The following RANGAP1 variants were observed in gnomAD, a reference collection of about 807,000 sequenced individuals.
The protein encoded by RANGAP1 is Ran GTPase activating protein 1.
RANGAP1 carries 38 observed loss-of-function variants against 63.5 expected under a neutral mutation model. The ratio of observed to expected loss-of-function variants is 0.60; its 90% CI spans 0.46 to 0.78. The LOEUF is 0.78. Among genes scored for constraint, RANGAP1 ranks in the 30% least tolerant of loss-of-function variants. The probability of loss-of-function intolerance (pLI) is 0.00; values close to 1 mark genes in which losing one functional copy is unlikely to be tolerated. For missense variants in RANGAP1, 630 were observed against 740.3 expected, an observed-to-expected ratio of 0.85 and a Z score of 1.73; for synonymous variants, 329 against 310.5, an observed-to-expected ratio of 1.06 and a Z score of -0.63.
At chr22:41,251,868 C>T (rs551338939) in intron 12 of RANGAP1, among the ~76,000 whole-genome samples, 1 of 152,260 alleles carries the variant, frequency 6.6e-6, no homozygotes, top group Non-Finnish European at 1.5e-5. Context: ...AATGGTGCTA[C>T]ACCAAAGTGA....
At position 41,256,185 on chromosome 22, in the gene RANGAP1, G is replaced by A. The variant is rs369071039; in HGVS notation, c.988+6C>T. On this transcript the variant is annotated splice_donor_region_variant and intron_variant, in intron 9 of 15. Coordinates refer to ENST00000356244, the MANE Select transcript of RANGAP1 (RefSeq NM_002883.4). ...ACCTGTGCAGAGGCCTCCCCCATCC[G>A]ACTACCATTCAGGTCCAGCTTCTCC... is the stretch of plus-strand genomic sequence containing the variant. The A allele has an allele frequency of 2.7e-5, 44 of 1,613,874 alleles. No homozygotes were observed. In the African/African-American group the frequency reaches 2.9e-4, roughly 11 times the overall value.
At chr22:41,252,336 A>G (rs2033514350) in intron 12 of RANGAP1, among the ~76,000 whole-genome samples, 2 of 152,256 alleles carry the variant, frequency 1.3e-5, no homozygotes, top group South Asian at 4.2e-4. Context: ...AATAAAATAA[A>G]GTAAGGGCAG....
chr22:41,264,602 C>T, intron 5 of RANGAP1, 62 bp downstream of exon 5: 3 of 1,542,300 alleles, frequency 1.9e-6, no homozygotes, highest in Non-Finnish European at 2.6e-6. Context: ...GGCCAGGGCA[C>T]ATATGTCAGA....
chr22:41,285,003 TTTAAAAA>T (rs1435615443), intron 1 of RANGAP1: 1 of 151,348 alleles, frequency 6.6e-6, no homozygotes, highest in Non-Finnish European at 1.5e-5. Context: ...CACAGAAAAA[TTTAAAAA>T]TTAGCCAGGT....
At chr22:41,255,605 C>T (rs992652746) in intron 10 of RANGAP1, among the ~76,000 whole-genome samples, 1 of 150,838 alleles carries the variant, frequency 6.6e-6, no homozygotes, top group African/African-American at 2.4e-5. Context: ...AGAGGCCTCC[C>T]CAACTCCACC....
chr22:41,296,647 CAA>C, the RANGAP1 span, among the ~76,000 whole-genome samples: 9 of 76,814 alleles, frequency 1.2e-4, no homozygotes, highest in Non-Finnish European at 1.1e-4. Flanking sequence ...ACTCCATCTC[CAA>C]AAAAAAAAAA....
rs1451932786 is a variant in RANGAP1 at position 41,256,207 on chromosome 22, C to T, written c.972G>A (p.Glu324=). The T allele has an allele frequency of 9.9e-6, 16 of 1,614,060 alleles. No homozygotes were observed. The highest frequency in any genetic ancestry group is 1.6e-4 in the Middle Eastern group (1 of 6,084). The change falls in exon 9 of 16, where the codon GAG becomes GAA. Residue 324 remains glutamate (E), a synonymous_variant. Coordinates refer to ENST00000356244, the MANE Select transcript of RANGAP1 (RefSeq NM_002883.4). ...TCCGACTACCATTCAGGTCCAGCTTCTCCAGCTCAGCTTTGTCTGCCATGG... is the reference window on the plus strand; with the variant it reads ...TCCGACTACCATTCAGGTCCAGCTTTTCCAGCTCAGCTTTGTCTGCCATGG... ...AEAMADKAEL[E]KLDLNGNTLG... is the part of the protein sequence containing the mutation.
Position 41,264,772 on chromosome 22 carries a change from G to T in RANGAP1, c.372C>A (p.Phe124Leu), listed in dbSNP as rs147006137. The change falls in exon 5 of 16, where the codon TTC becomes TTA. Residue 124 changes from phenylalanine (F) to leucine (L), a missense_variant. Around this residue, in one of 3 missense-constraint regions of RANGAP1, gnomAD observed 137 missense variants for 214.3 expected, o/e 0.64. Coordinates refer to ENST00000356244, the MANE Select transcript of RANGAP1 (RefSeq NM_002883.4). ...CGAAGCCTTGCACACCGTCGGGCCCGAATGCGTTGTCGCTTAAGTCCAGCT... is the reference window on the plus strand; with the variant it reads ...CGAAGCCTTGCACACCGTCGGGCCCTAATGCGTTGTCGCTTAAGTCCAGCT... The part of the protein sequence containing the change: ...LVELDLSDNA[F>L]GPDGVQGFEA... The T allele has an allele frequency of 6.2e-7, 1 of 1,613,974 alleles. No homozygotes were observed. Among genetic ancestry groups the T allele is most frequent in the Non-Finnish European group, 8.5e-7 (1 of 1,179,928 alleles).
At chr22:41,301,136 A>G in the RANGAP1 span, among the ~76,000 whole-genome samples, 1 of 152,006 alleles carries the variant, frequency 6.6e-6, no homozygotes, top group Non-Finnish European at 1.5e-5. Context: ...TGAGGTCCTG[A>G]TTCTTCTATG....
chr22:41,271,703 A>G (rs1481784953), intron 3 of RANGAP1, among the ~76,000 whole-genome samples: 2 of 151,986 alleles, frequency 1.3e-5, no homozygotes, highest in Admixed American at 6.5e-5. Flanking sequence ...AAAAAAAAAA[A>G]AAAAAGAGCT....
chr22:41,253,806 T>G (rs575842759), intron 11 of RANGAP1, among the ~76,000 whole-genome samples: 2 of 152,114 alleles, frequency 1.3e-5, no homozygotes, highest in Non-Finnish European at 2.9e-5. Context: ...TTGGGGTAAA[T>G]AGAAATATAG....
At position 41,261,578 on chromosome 22, in the gene RANGAP1, G is replaced by T; in HGVS notation, c.483C>A (p.Ile161=). 1 of 1,614,220 alleles carries T rather than the reference G, an allele frequency of 6.2e-7. No homozygotes were observed. Among genetic ancestry groups the T allele is most frequent in the Non-Finnish European group, 8.5e-7 (1 of 1,180,048 alleles). Residue 161 remains isoleucine, a splice_region_variant and synonymous_variant, in exon 6 of 16, where the codon ATC becomes ATA. Transcript: ENST00000356244. Reference sequence around the variant, plus strand: ...GACATTCGGTCAGAGCTGCAGCCAGGATCTGTGGGGAAAGGCAAGGGGCCC... The same window carrying T: ...GACATTCGGTCAGAGCTGCAGCCAGTATCTGTGGGGAAAGGCAAGGGGCCC... ...NCGMGIGGGK[I]LAAALTECHR...
At position 41,275,640 on chromosome 22, in the gene RANGAP1, G is replaced by A. The variant is rs574450980; in HGVS notation, c.113-913C>T. 1.7e-4 allele frequency among the ~76,000 whole-genome samples: 26 copies of A among 152,206 alleles called. No individual in the cohort carries two copies. The South Asian group carries it at 2.9e-3, about 17-fold the overall frequency. ...CTAAAAATACAAAAATTAGCTGGGC[G>A]TGATGGCACATGCCTGTAATCCCAG... On this transcript the variant is annotated intron_variant, in intron 2 of 15. Coordinates refer to ENST00000356244, the MANE Select transcript of RANGAP1 (RefSeq NM_002883.4).
At chr22:41,289,219 C>T (rs370674922), upstream of RANGAP1, among the ~76,000 whole-genome samples, 3 of 151,978 alleles carry the variant, frequency 2.0e-5, no homozygotes, top group Admixed American at 1.3e-4. Flanking sequence ...CCACTGTGGC[C>T]GGCCTCCTGA....
intron 10 of RANGAP1, among the ~76,000 whole-genome samples, chr22:41,255,538 A>AC (rs1403131557): frequency 3.3e-5 from 2 of 60,846 alleles, no homozygotes; most frequent in African/African-American, 1.3e-4. Context: ...CCCACCTCCC[A>AC]CCCCCATCAC....
intron 1 of RANGAP1, 133 bp from the exon 2 acceptor site, chr22:41,281,215 G>A (rs2035474074): frequency 1.9e-6 from 2 of 1,033,376 alleles, no homozygotes; most frequent in Admixed American, 3.3e-5. Context: ...ATAAATCACT[G>A]GAAGAAAGGA....
chr22:41,251,187 G>A, intron 12 of RANGAP1, 78 bp from the exon 13 acceptor site: 1 of 1,165,494 alleles, frequency 8.6e-7, no homozygotes, highest in South Asian at 1.3e-5. Flanking sequence ...GCTAGGAGAG[G>A]CCTGGGCAGT....
At chr22:41,298,393 C>A in the RANGAP1 span, among the ~76,000 whole-genome samples, 11 of 152,140 alleles carry the variant, frequency 7.2e-5, no homozygotes, top group African/African-American at 2.7e-4. Context: ...CGGCTCACTG[C>A]AACCTCCACC....
chr22:41,279,955 G>A (rs945502836), intron 2 of RANGAP1, among the ~76,000 whole-genome samples: 7 of 151,614 alleles, frequency 4.6e-5, no homozygotes, highest in African/African-American at 1.5e-4. Flanking sequence ...AAAATTAGCC[G>A]GGTGTGGTGG....
Sources: allele counts gnomAD v4.1 joint callset (sites outside exome capture counted in the v4.1 genomes callset), GRCh38; gene constraint gnomAD v4.1.1; regional missense constraint gnomAD v4.1.1; transcripts MANE v1.5; gene names NCBI Gene and HGNC (gene_info 2026-07-23, HGNC 2026-07-21).